Variants in DYM observed in about 807,000 individuals in gnomAD.
The protein encoded by DYM is dyggve-Melchior-Clausen syndrome protein.
DYM carries 78 observed loss-of-function variants against 93.1 expected under a neutral mutation model. That is an observed-to-expected ratio of 0.84 (90% confidence interval 0.70 to 1.01). DYM has a LOEUF of 1.01. DYM is among the 50% of genes least tolerant of loss of function. DYM has a pLI of 0.00. For synonymous variants in DYM, 321 were observed against 319.7 expected, an observed-to-expected ratio of 1.00 and a Z score of -0.04; for missense variants, 789 against 845.0, an observed-to-expected ratio of 0.93 and a Z score of 0.82.
At chr18:49,144,631 C>G (rs1279384315) in intron 15 of DYM, among the ~76,000 whole-genome samples, 1 of 152,092 alleles carries the variant, frequency 6.6e-6, no homozygotes, top group Non-Finnish European at 1.5e-5. Flanking sequence ...GGGTTGGTCA[C>G]TGTTACAATG....
intron 13 of DYM, among the ~76,000 whole-genome samples, chr18:49,254,423 C>G (rs1161953414): frequency 6.6e-6 from 1 of 151,612 alleles, no homozygotes; most frequent in African/African-American, 2.4e-5. Context: ...TCTTGCATTG[C>G]TTAACATAGT....
chr18:49,211,244 G>A (rs1222935677), intron 13 of DYM, among the ~76,000 whole-genome samples: 2 of 152,076 alleles, frequency 1.3e-5, no homozygotes, highest in Non-Finnish European at 2.9e-5. Flanking sequence ...ACCGCTCCAA[G>A]ATTTTAAAGT....
intron 8 of DYM, among the ~76,000 whole-genome samples, chr18:49,308,505 T>C (rs2061401027): frequency 6.6e-6 from 1 of 152,212 alleles, no homozygotes; most frequent in Admixed American, 6.5e-5. Flanking sequence ...AGTCCAGTCC[T>C]ACCGTCTACT....
At chr18:49,097,896 T>A (rs1041796984) in intron 16 of DYM, among the ~76,000 whole-genome samples, 2 of 150,042 alleles carry the variant, frequency 1.3e-5, no homozygotes, top group South Asian at 4.2e-4. Flanking sequence ...TCTCTCTCTC[T>A]CTCTCTCTCT....
intron 1 of DYM, among the ~76,000 whole-genome samples, chr18:49,433,444 C>T (rs192862636): frequency 6.6e-6 from 1 of 152,272 alleles, no homozygotes; most frequent in Admixed American, 6.5e-5. Flanking sequence ...TGTGAGTTAA[C>T]TCTACTGAGA....
At chr18:49,086,901 T>C (rs771950962) in intron 17 of DYM, among the ~76,000 whole-genome samples, 2 of 151,884 alleles carry the variant, frequency 1.3e-5, no homozygotes, top group African/African-American at 2.4e-5. Context: ...GGTAGGAGAA[T>C]TGCTTGAACC....
At chr18:49,270,886 T>C (rs1364877748) in intron 11 of DYM, among the ~76,000 whole-genome samples, 1 of 152,048 alleles carries the variant, frequency 6.6e-6, no homozygotes, top group Non-Finnish European at 1.5e-5. Context: ...TCTGTACCCT[T>C]ATAAAGAGTG....
intron 2 of DYM, among the ~76,000 whole-genome samples, chr18:49,409,217 G>A (rs2071898976): frequency 6.6e-6 from 1 of 150,388 alleles, no homozygotes; most frequent in East Asian, 1.9e-4. Flanking sequence ...CTGGGAGGTG[G>A]AGGTTGCAGT....
intron 13 of DYM, among the ~76,000 whole-genome samples, chr18:49,251,661 T>C (rs1483696688): frequency 6.6e-6 from 1 of 152,178 alleles, no homozygotes; most frequent in Non-Finnish European, 1.5e-5. Flanking sequence ...ATCCTCACCA[T>C]AATCCTTTGA....
At chr18:49,126,009 T>C (rs978308449) in intron 15 of DYM, among the ~76,000 whole-genome samples, 1 of 152,244 alleles carries the variant, frequency 6.6e-6, no homozygotes, top group Non-Finnish European at 1.5e-5. Flanking sequence ...GTCTAGCATT[T>C]GGATTGTTTT....
chr18:49,449,115 T>C (rs2082326656), intron 1 of DYM, among the ~76,000 whole-genome samples: 1 of 152,190 alleles, frequency 6.6e-6, no homozygotes, highest in Admixed American at 6.5e-5. Flanking sequence ...ATGGAGGTGA[T>C]GTCACTAGGG....
At chr18:49,398,213 G>A (rs2070356562) in intron 2 of DYM, among the ~76,000 whole-genome samples, 1 of 152,070 alleles carries the variant, frequency 6.6e-6, no homozygotes, top group Non-Finnish European at 1.5e-5. Flanking sequence ...AGTAGTTTAT[G>A]GAGACTCACC....
At chr18:49,137,838 C>T (rs2084019515) in intron 15 of DYM, among the ~76,000 whole-genome samples, 1 of 152,136 alleles carries the variant, frequency 6.6e-6, no homozygotes, top group Non-Finnish European at 1.5e-5. Context: ...TTGTAGTGAA[C>T]ACAACTCATT....
chr18:49,365,749 G>A (rs188711451), intron 5 of DYM, among the ~76,000 whole-genome samples: 103 of 152,200 alleles, frequency 6.8e-4, no homozygotes, highest in Non-Finnish European at 1.2e-3. Flanking sequence ...TTTTAATTAC[G>A]GAAGGTGAGA....
At chr18:49,128,816 TAGA>T (rs778153609) in intron 15 of DYM, among the ~76,000 whole-genome samples, 7 of 152,218 alleles carry the variant, frequency 4.6e-5, no homozygotes, top group African/African-American at 1.2e-4. Flanking sequence ...TATTGGTTTT[TAGA>T]AGAAGAAGAA....
intron 13 of DYM, among the ~76,000 whole-genome samples, chr18:49,209,938 T>C (rs189368122): frequency 6.6e-6 from 1 of 152,098 alleles, no homozygotes; most frequent in African/African-American, 2.4e-5. Flanking sequence ...GATATACAGA[T>C]GGCAAATAAG....
intron 2 of DYM, among the ~76,000 whole-genome samples, chr18:49,408,571 T>C (rs931299297): frequency 8.5e-5 from 13 of 152,238 alleles, no homozygotes; most frequent in African/African-American, 3.1e-4. Flanking sequence ...ATTTGCAAAG[T>C]TGCAAATCAA....
intron 8 of DYM, among the ~76,000 whole-genome samples, chr18:49,324,162 A>AAG (rs1392527661): frequency 3.3e-5 from 5 of 150,566 alleles, no homozygotes; most frequent in African/African-American, 1.2e-4. Flanking sequence ...AAAAAAAAAA[A>AAG]AAAAAAATCT....
At chr18:49,130,327 T>C (rs1255047220) in intron 15 of DYM, among the ~76,000 whole-genome samples, 6 of 152,166 alleles carry the variant, frequency 3.9e-5, no homozygotes, top group African/African-American at 1.4e-4. Context: ...AAAACCCAAC[T>C]CTGCTCAAGA....
Sources: gnomAD v4.1 joint callset for allele counts (sites outside exome capture counted in the v4.1 genomes callset) on GRCh38, gnomAD v4.1.1 for gene constraint, MANE v1.5 for transcripts, NCBI Gene and HGNC (gene_info 2026-07-23, HGNC 2026-07-21) for gene names.